Variants in VENTX observed in about 807,000 individuals in gnomAD.
VENTX encodes homeobox protein VENTX.
A neutral mutation model predicts 10.5 loss-of-function variants in VENTX; 13 were observed. That is an observed-to-expected ratio of 1.23 (90% CI 0.80 to 1.96). The LOEUF is 1.96. Ranked by LOEUF, VENTX falls within the 30% of genes most tolerant of loss-of-function variation. The pLI, the probability that VENTX is intolerant of heterozygous loss-of-function variation, is 0.00. For synonymous variants in VENTX, 177 were observed against 150.4 expected (o/e 1.18, Z -1.29); for missense variants, 400 against 341.8 (o/e 1.17, Z -1.34).
rs2136052437 is a variant in VENTX, at chr10:133,240,942, A to G, written c.*636A>G. On this transcript the variant is annotated 3_prime_UTR_variant, in exon 3 of 3. Coordinates refer to ENST00000325980, the MANE Select transcript of VENTX (RefSeq NM_014468.4). ...GTCAGTGAACAGAGTCAAATGCAGA[A>G]GTGGGCTTGTCATGGGTAGGGCTTT... 2 of 152,342 alleles carry G rather than the reference A, an allele frequency of 1.3e-5. No homozygotes were observed. Among genetic ancestry groups the G allele is most frequent in the South Asian group, 4.1e-4 (2 of 4,828 alleles). The allele number at this position is 152,342 out of a possible 1,614,324, so 9.4% of individuals were successfully genotyped here. A position where few individuals can be genotyped will look rare whatever the true frequency, so the allele number is the denominator to read the frequency against.
chr10:133,239,688 A>G lies in VENTX; in HGVS notation c.254A>G (p.Glu85Gly). ...PERTMAGLSK[E>G]PNTLRAPRVR... The stretch of plus-strand genomic sequence containing the variant: ...CCCTCTATGTCAGGGTTGAGTAAGG[A>G]GCCAAATACCTTGCGGGCCCCCCGT... The change falls in exon 2 of 3, where the codon GAG becomes GGG. Residue 85 changes from glutamate (E) to glycine (G), a missense_variant. Physicochemically the swap from Glu to Gly is moderately conservative, Grantham distance 98 (BLOSUM62 -2). Transcript: ENST00000325980. 6.2e-7 allele frequency: 1 copy of G among 1,611,048 alleles called. No individual in the cohort carries two copies. The highest frequency in any genetic ancestry group is 8.5e-7 in the Non-Finnish European group (1 of 1,180,006).
rs745603635 is a variant in VENTX at position 133,240,083 on chromosome 10, C to T, written c.554C>T (p.Pro185Leu). ...GLANGLQLLC[P>L]WAPLSGPQAL... ...GCCAATGGCCTGCAGCTGCTGTGCC[C>T]TTGGGCACCCCTGTCCGGGCCCCAG... The change falls in exon 3 of 3, where the codon CCT becomes CTT. Residue 185 changes from proline to leucine, a missense_variant. Pro to Leu is a moderately conservative substitution (Grantham distance 98). Transcript: ENST00000325980. The T allele has an allele frequency of 6.2e-7, 1 of 1,611,480 alleles. No homozygotes were observed. The highest frequency in any genetic ancestry group is 2.2e-5 in the East Asian group (1 of 44,890).
chr10:133,237,923 C>T lies in VENTX; in HGVS notation c.9C>T (p.Leu3=). The change falls in exon 1 of 3, where the codon CTC becomes CTT. Residue 3 remains leucine (L), a synonymous_variant. Coordinates refer to ENST00000325980, the MANE Select transcript of VENTX (RefSeq NM_014468.4). MR[L]SSSPPRGPQQ... ...CGGCCCACCTGGCCGCCATGCGCCTCTCCTCCTCCCCACCTCGTGGCCCGC... is the reference window on the plus strand; with the variant it reads ...CGGCCCACCTGGCCGCCATGCGCCTTTCCTCCTCCCCACCTCGTGGCCCGC... The T allele has an allele frequency of 1.3e-6, 2 of 1,590,556 alleles. No homozygotes were observed. The highest frequency in any genetic ancestry group is 8.5e-7 in the Non-Finnish European group (1 of 1,175,232).
rs755957648 is a variant in VENTX, at chr10:133,240,230, G to A, written c.701G>A (p.Arg234Gln). Residue 234 changes from arginine to glutamine, a missense_variant, in exon 3 of 3, where the codon CGG becomes CAG. Arg to Gln is a conservative substitution (Grantham distance 43, BLOSUM62 1). Coordinates refer to ENST00000325980, the MANE Select transcript of VENTX (RefSeq NM_014468.4). ...GCGTCCCACCCCCCTACCCCAGGCC[G>A]GCCTTCGCTGGGACCAGCCCTGTCC... ...PLASHPPTPGRPSLGPALSTG... is the reference protein window; with the variant it reads ...PLASHPPTPGQPSLGPALSTG... The A allele has an allele frequency of 2.7e-5, 43 of 1,611,268 alleles. No individual in the cohort carries two copies. The Middle Eastern group carries it at 1.7e-3, about 63-fold the overall frequency.
At chr10:133,238,989 C>G (rs1262732549) in intron 1 of VENTX, among the ~76,000 whole-genome samples, 1 of 152,256 alleles carries the variant, frequency 6.6e-6, no homozygotes, top group Non-Finnish European at 1.5e-5. Context: ...ACAGCCCTCC[C>G]TGCCAGAAGG....
rs1032167038 is a variant in VENTX, at chr10:133,238,167, T to G, written c.241+12T>G. On this transcript the variant is annotated intron_variant, in intron 1 of 2. Coordinates refer to ENST00000325980, the MANE Select transcript of VENTX (RefSeq NM_014468.4). ...GAGGACCATGGCCGGTAGGTCCGGG[T>G]GGGGGGGGTCCCTTCCTTCCCAGGT... 22 of 1,574,702 alleles carry G rather than the reference T, an allele frequency of 1.4e-5. No homozygotes were observed. Among genetic ancestry groups the G allele is most frequent in the Non-Finnish European group, 1.8e-5 (21 of 1,159,090 alleles).
intron 1 of VENTX, 66 bp downstream of exon 1, chr10:133,238,221 G>A (rs1164390046): frequency 3.4e-6 from 5 of 1,489,502 alleles, no homozygotes; most frequent in African/African-American, 2.8e-5. Context: ...GAGGCCAGGA[G>A]CCCGGCGGCT....
Position 133,237,944 on chromosome 10 carries a change from C to T in VENTX, c.30C>T (p.Gly10=), listed in dbSNP as rs745501368. 1.6e-5 allele frequency: 26 copies of T among 1,596,252 alleles called. 1 individual carries two copies. The highest frequency in any genetic ancestry group is 2.3e-4 in the Middle Eastern group (1 of 4,432). Residue 10 remains glycine, a synonymous_variant, in exon 1 of 3, where the codon GGC becomes GGT. Coordinates refer to ENST00000325980, the MANE Select transcript of VENTX (RefSeq NM_014468.4). MRLSSSPPR[G]PQQLSSFGSV... is the part of the protein sequence containing the mutation. Reference sequence around the variant, plus strand: ...GCCTCTCCTCCTCCCCACCTCGTGGCCCGCAGCAGCTCTCCAGCTTTGGCT... The same window carrying T: ...GCCTCTCCTCCTCCCCACCTCGTGGTCCGCAGCAGCTCTCCAGCTTTGGCT...
At chr10:133,238,219 G>C in intron 1 of VENTX, 64 bp downstream of exon 1, 1 of 1,492,144 alleles carries the variant, frequency 6.7e-7, no homozygotes, top group Non-Finnish European at 8.9e-7. Context: ...GAGAGGCCAG[G>C]AGCCCGGCGG....
chr10:133,239,898 T>A (rs1251549414), intron 2 of VENTX, 34 bp from the exon 3 acceptor site: 1 of 1,608,798 alleles, frequency 6.2e-7, no homozygotes, highest in African/African-American at 1.3e-5. Flanking sequence ...GGTGGCCTAG[T>A]CTCACCCCTG....
Position 133,239,683 on chromosome 10 carries a change from T to C in VENTX, c.249T>C (p.Ser83=). 2 of 1,611,038 alleles carry C rather than the reference T, an allele frequency of 1.2e-6. No homozygotes were observed. The highest frequency in any genetic ancestry group is 2.7e-5 in the African/African-American group (2 of 74,964). ...PAPERTMAGL[S]KEPNTLRAPR... is the part of the protein sequence containing the mutation. The stretch of plus-strand genomic sequence containing the variant: ...CCTTACCCTCTATGTCAGGGTTGAG[T>C]AAGGAGCCAAATACCTTGCGGGCCC... The change falls in exon 2 of 3, where the codon AGT becomes AGC. Residue 83 remains serine, a synonymous_variant. Transcript: ENST00000325980.
chr10:133,241,872 G>T lies in VENTX; in HGVS notation c.*1566G>T, dbSNP rs1480681544. 6.6e-6 allele frequency: 1 copy of T among 152,296 alleles called. No individual in the cohort carries two copies. The highest frequency in any genetic ancestry group is 1.5e-5 in the Non-Finnish European group (1 of 68,064). The allele number at this position is 152,296 out of a possible 1,614,324, so 9.4% of individuals were successfully genotyped here. On this transcript the variant is annotated 3_prime_UTR_variant, in exon 3 of 3. Coordinates refer to ENST00000325980, the MANE Select transcript of VENTX (RefSeq NM_014468.4). ...TACTGGGTTTGGCCTGGACAGCACTGATTTGTGGATGTGGATGGGGGCACG... is the reference window on the plus strand; with the variant it reads ...TACTGGGTTTGGCCTGGACAGCACTTATTTGTGGATGTGGATGGGGGCACG...
Position 133,239,698 on chromosome 10 carries a change from CT to C in VENTX, c.266del (p.Leu89CysfsTer28). The C allele has an allele frequency of 6.2e-7, 1 of 1,611,126 alleles. No homozygotes were observed. The highest frequency in any genetic ancestry group is 8.5e-7 in the Non-Finnish European group (1 of 1,180,014). ...MAGLSKEPNT[L>X]RAPRVRTAFT... ...CAGGGTTGAGTAAGGAGCCAAATAC[CT>C]TGCGGGCCCCCCGTGTCCGCACAGC... On this transcript the variant is annotated frameshift_variant, in exon 2 of 3. Transcript: ENST00000325980. LOFTEE classifies it high-confidence loss of function.
In VENTX at chr10:133,237,945, C is replaced by T. The variant is rs1387905071; in HGVS notation, c.31C>T (p.Pro11Ser). The change falls in exon 1 of 3, where the codon CCG becomes TCG. Residue 11 changes from proline (P) to serine (S), a missense_variant. Pro to Ser is a moderately conservative substitution (Grantham distance 74). Transcript: ENST00000325980. MRLSSSPPRG[P>S]QQLSSFGSVD... is the part of the protein sequence containing the mutation. ...CCTCTCCTCCTCCCCACCTCGTGGC[C>T]CGCAGCAGCTCTCCAGCTTTGGCTC... The T allele has an allele frequency of 3.1e-6, 5 of 1,596,838 alleles. No individual in the cohort carries two copies. Among genetic ancestry groups the T allele is most frequent in the African/African-American group, 1.3e-5 (1 of 74,792 alleles).
Position 133,239,664 on chromosome 10 carries a change from C to A in VENTX, c.242-12C>A. ...GGCATGTTGAGCCAAATGCCCTTACCCTCTATGTCAGGGTTGAGTAAGGAG... is the reference window on the plus strand; with the variant it reads ...GGCATGTTGAGCCAAATGCCCTTACACTCTATGTCAGGGTTGAGTAAGGAG... On this transcript the variant is annotated splice_polypyrimidine_tract_variant and intron_variant, in intron 1 of 2. Transcript: ENST00000325980. 1 of 1,610,924 alleles carries A rather than the reference C, an allele frequency of 6.2e-7. No individual in the cohort carries two copies. Among genetic ancestry groups the A allele is most frequent in the Non-Finnish European group, 8.5e-7 (1 of 1,179,938 alleles).
rs753615530 is a variant in VENTX at position 133,239,795 on chromosome 10, CG to C, written c.363del (p.Lys122ArgfsTer14). ...QHHQYLSPLE[R>X]KRLAREMQLS... Reference sequence around the variant, plus strand: ...CCACCAGTACCTGAGCCCTCTGGAGCGGAAGAGGCTGGCCAGGGAGATGCAG... The same window carrying C: ...CCACCAGTACCTGAGCCCTCTGGAGCGAAGAGGCTGGCCAGGGAGATGCAG... On this transcript the variant is annotated frameshift_variant, in exon 2 of 3. Coordinates refer to ENST00000325980, the MANE Select transcript of VENTX (RefSeq NM_014468.4). LOFTEE classifies it low-confidence loss of function (END_TRUNC). 6.4e-7 allele frequency: 1 copy of C among 1,558,636 alleles called. No homozygotes were observed. The highest frequency in any genetic ancestry group is 8.7e-7 in the Non-Finnish European group (1 of 1,148,396).
intron 1 of VENTX, 51 bp downstream of exon 1, chr10:133,238,206 G>C: frequency 6.5e-7 from 1 of 1,527,986 alleles, no homozygotes; most frequent in Non-Finnish European, 8.8e-7. Context: ...GATGGGAGTG[G>C]GGGAGAGGCC....
chr10:133,239,035 T>G (rs1159943073), intron 1 of VENTX, among the ~76,000 whole-genome samples: 1 of 152,238 alleles, frequency 6.6e-6, no homozygotes, highest in Non-Finnish European at 1.5e-5. Context: ...GCTTTCAGGC[T>G]AACGTTAAGA....
Position 133,237,980 on chromosome 10 carries a change from G to T in VENTX, c.66G>T (p.Trp22Cys), listed in dbSNP as rs1845873354. The T allele has an allele frequency of 2.5e-6, 4 of 1,600,442 alleles. No individual in the cohort carries two copies. Among genetic ancestry groups the T allele is most frequent in the Non-Finnish European group, 3.4e-6 (4 of 1,177,116 alleles). Residue 22 changes from tryptophan (W) to cysteine (C), a missense_variant, in exon 1 of 3, where the codon TGG (tryptophan) becomes TGT (cysteine). Trp to Cys is a radical substitution (Grantham distance 215). Coordinates refer to ENST00000325980, the MANE Select transcript of VENTX (RefSeq NM_014468.4). The part of the protein sequence containing the change: ...QQLSSFGSVD[W>C]LSQSSCSGPT... ...TCTCCAGCTTTGGCTCCGTGGACTG[G>T]CTCTCCCAGAGCAGCTGCTCAGGGC...
Sources: allele counts gnomAD v4.1 joint callset (sites outside exome capture counted in the v4.1 genomes callset), GRCh38; gene constraint gnomAD v4.1.1; transcripts MANE v1.5; gene names NCBI Gene and HGNC (gene_info 2026-07-23, HGNC 2026-07-21).